NREP: variants seen among roughly 807,000 people sequenced by gnomAD.
NREP encodes the protein neuronal regeneration related protein.
NREP carries 5 observed loss-of-function variants against 8.6 expected under a neutral mutation model. That is an observed-to-expected ratio of 0.58 (90% CI 0.30 to 1.22). The LOEUF is 1.22. Among genes scored for constraint, NREP ranks in the 50% most tolerant of loss-of-function variants. The pLI is 0.07. For synonymous variants in NREP, 27 were observed against 28.0 expected, an observed-to-expected ratio of 0.96 and a Z score of 0.11; for missense variants, 86 against 82.5, an observed-to-expected ratio of 1.04 and a Z score of -0.17.
At chr5:111,879,119 GC>G (rs1425245859) in intron 2 of NREP, among the ~76,000 whole-genome samples, 1 of 152,130 alleles carries the variant, frequency 6.6e-6, no homozygotes, top group Non-Finnish European at 1.5e-5. Flanking sequence ...AAAGAGCCTG[GC>G]AACTGCCCCT....
chr5:111,857,730 C>G (rs1382716594), intron 2 of NREP, among the ~76,000 whole-genome samples: 1 of 152,146 alleles, frequency 6.6e-6, no homozygotes, highest in Non-Finnish European at 1.5e-5. Context: ...TGCTAGATCC[C>G]TAGCTTCTAG....
chr5:111,927,150 T>C (rs1368404243), intron 2 of NREP, among the ~76,000 whole-genome samples: 5 of 152,056 alleles, frequency 3.3e-5, no homozygotes, highest in Non-Finnish European at 7.4e-5. Flanking sequence ...CACCTGATGG[T>C]CACCTGACAT....
chr5:111,877,288 C>T (rs955127609), intron 2 of NREP, among the ~76,000 whole-genome samples: 4 of 152,136 alleles, frequency 2.6e-5, no homozygotes, highest in African/African-American at 9.7e-5. Context: ...CCATGATTGC[C>T]CTGTCACTTT....
chr5:111,829,388 C>G (rs1752708642), intron 2 of NREP, among the ~76,000 whole-genome samples: 1 of 152,156 alleles, frequency 6.6e-6, no homozygotes, highest in Non-Finnish European at 1.5e-5. Flanking sequence ...GACTCTAATT[C>G]AGAAGACCAA....
intron 2 of NREP, among the ~76,000 whole-genome samples, chr5:111,835,855 C>T (rs749519594): frequency 6.6e-5 from 10 of 152,004 alleles, no homozygotes; most frequent in Middle Eastern, 3.2e-3. Context: ...GATTTCTTGA[C>T]CAGAAGGTGA....
chr5:111,748,937 A>G (rs1027643942), intron 2 of NREP, among the ~76,000 whole-genome samples: 1 of 152,186 alleles, frequency 6.6e-6, no homozygotes, highest in African/African-American at 2.4e-5. Context: ...GAACATAAGA[A>G]GATTCCTGCT....
rs183060899 is a variant in NREP at position 111,975,736 on chromosome 5, C to T, written c.31-358G>A. On this transcript the variant is annotated intron_variant, in intron 1 of 3. Coordinates refer to the NREP transcript ENST00000395634. Reference sequence around the variant, plus strand: ...GCCATATTTTCCATTTCTTAACCTCCTCAATTTGAAATTACAAATGCTTAA... The same window carrying T: ...GCCATATTTTCCATTTCTTAACCTCTTCAATTTGAAATTACAAATGCTTAA... Among the ~76,000 whole-genome samples, 161 of 152,300 alleles carry T rather than the reference C, an allele frequency of 1.1e-3. 1 individual carries two copies. Among genetic ancestry groups the T allele is most frequent in the Non-Finnish European group, 1.4e-3 (94 of 68,014 alleles).
In NREP at chr5:111,812,162, C is replaced by T. The variant is rs929041329; in HGVS notation, c.136-76655G>A. 4.6e-5 allele frequency among the ~76,000 whole-genome samples: 7 copies of T among 152,182 alleles called. No homozygotes were observed. The East Asian group carries it at 5.8e-4, about 13-fold the overall frequency. On this transcript the variant is annotated intron_variant, in intron 2 of 3. Transcript: ENST00000395634. ...ATTATCTGGGCCTGGTGGCTCACAC[C>T]GGTAGTCCCAGCTAATTGGGAGGCT...
At chr5:111,742,011 GGT>G (rs1286343187) in intron 2 of NREP, among the ~76,000 whole-genome samples, 1 of 152,098 alleles carries the variant, frequency 6.6e-6, no homozygotes, top group African/African-American at 2.4e-5. Context: ...TTCATTGCCT[GGT>G]AAGTCCTTAA....
chr5:111,751,388 C>G (rs1429450697), intron 2 of NREP, among the ~76,000 whole-genome samples: 1 of 152,154 alleles, frequency 6.6e-6, no homozygotes, highest in South Asian at 2.1e-4. Flanking sequence ...TTCAGGATCA[C>G]TGCTATTTTT....
At chr5:111,940,483 AAG>A (rs1755800448) in intron 2 of NREP, among the ~76,000 whole-genome samples, 1 of 152,032 alleles carries the variant, frequency 6.6e-6, no homozygotes, top group East Asian at 1.9e-4. Context: ...GGTCCACAGA[AAG>A]AGAATTCAGT....
chr5:111,758,346 C>G, upstream of NREP: 1 of 750,762 alleles, frequency 1.3e-6, no homozygotes, highest in Non-Finnish European at 1.6e-6. Context: ...ACTGCCTGCC[C>G]GTCTGAAATT....
chr5:111,921,451 C>A (rs1299401789), intron 2 of NREP, among the ~76,000 whole-genome samples: 1 of 152,066 alleles, frequency 6.6e-6, no homozygotes, highest in Non-Finnish European at 1.5e-5. Context: ...CCTTACTCTC[C>A]CTGATTAGTT....
chr5:111,846,953 A>G (rs1053127525), intron 2 of NREP, among the ~76,000 whole-genome samples: 17 of 152,150 alleles, frequency 1.1e-4, no homozygotes, highest in African/African-American at 3.9e-4. Flanking sequence ...TTCATTATGC[A>G]TCTACTAAAT....
chr5:111,897,981 A>T (rs1464924397), intron 2 of NREP, among the ~76,000 whole-genome samples: 1 of 152,158 alleles, frequency 6.6e-6, no homozygotes, highest in Non-Finnish European at 1.5e-5. Context: ...CAAGTCCATA[A>T]ATTTTTCTCA....
At chr5:111,854,057 C>T (rs1215018361) in intron 2 of NREP, among the ~76,000 whole-genome samples, 1 of 152,134 alleles carries the variant, frequency 6.6e-6, no homozygotes, top group African/African-American at 2.4e-5. Context: ...GGGGAGGCTG[C>T]ACAAGCTGAA....
intron 2 of NREP, among the ~76,000 whole-genome samples, chr5:111,797,200 T>C (rs1751893484): frequency 6.6e-6 from 1 of 152,228 alleles, no homozygotes; most frequent in African/African-American, 2.4e-5. Flanking sequence ...ATCCATTCAA[T>C]AAATATTTGT....
At chr5:111,749,212 T>C (rs886694644) in intron 2 of NREP, among the ~76,000 whole-genome samples, 2 of 152,034 alleles carry the variant, frequency 1.3e-5, no homozygotes, top group African/African-American at 4.8e-5. Flanking sequence ...GTTCTAAACA[T>C]AGCAGGTGAA....
intron 2 of NREP, among the ~76,000 whole-genome samples, chr5:111,822,548 C>T (rs969011959): frequency 2.0e-5 from 3 of 152,182 alleles, no homozygotes; most frequent in African/African-American, 4.8e-5. Flanking sequence ...TGAAACACAG[C>T]TTCATCTCTG....
Sources: gnomAD v4.1 joint callset for allele counts (sites outside exome capture counted in the v4.1 genomes callset) on GRCh38, gnomAD v4.1.1 for gene constraint, MANE v1.5 for transcripts, NCBI Gene and HGNC (gene_info 2026-07-23, HGNC 2026-07-21) for gene names.